DHX8: variants seen among roughly 807,000 people sequenced by gnomAD.
DHX8 encodes DEAH-box helicase 8.
In DHX8, 67 loss-of-function variants were observed where a neutral mutation model predicts 140.7. That is an observed-to-expected ratio of 0.48 (90% CI 0.39 to 0.58). The LOEUF is 0.58. Among genes scored for constraint, DHX8 ranks in the 20% least tolerant of loss-of-function variants. The pLI is 0.00. For synonymous variants in DHX8, 533 were observed against 553.2 expected (o/e 0.96, Z 0.51); for missense variants, 887 against 1,550.7 (o/e 0.57, Z 7.19).
intron 2 of DHX8, chr17:43,536,321 G>C: frequency 9.9e-7 from 1 of 1,010,572 alleles, no homozygotes; most frequent in South Asian, 1.4e-5. Flanking sequence ...AAACCCCACT[G>C]TGTTTTAGGA....
chr17:43,489,773 G>A (rs993200771), intron 2 of DHX8, among the ~76,000 whole-genome samples: 2 of 151,946 alleles, frequency 1.3e-5, no homozygotes, highest in Non-Finnish European at 1.5e-5. Flanking sequence ...TGTATTTTTA[G>A]TAGAGATGGG....
intron 10 of DHX8, 117 bp downstream of exon 10, chr17:43,499,076 C>T: frequency 1.4e-6 from 1 of 733,588 alleles, no homozygotes; most frequent in Non-Finnish European, 2.2e-6. Context: ...GTATTACTGG[C>T]TGTTAGCCAG....
chr17:43,541,437 C>T (rs1358000845), intron 3 of DHX8, among the ~76,000 whole-genome samples: 5 of 151,554 alleles, frequency 3.3e-5, no homozygotes, highest in Admixed American at 1.3e-4. Context: ...TGTCTGGGGA[C>T]GAGGCAGATG....
chr17:43,511,547 T>A (rs1476726169), intron 16 of DHX8, among the ~76,000 whole-genome samples: 2 of 146,560 alleles, frequency 1.4e-5, no homozygotes, highest in African/African-American at 2.5e-5. Context: ...AACCTCTGCC[T>A]CCCAGGTTCA....
chr17:43,528,564 A>C (rs1567704341), downstream of DHX8: 1 of 1,613,686 alleles, frequency 6.2e-7, no homozygotes, highest in East Asian at 2.2e-5. Context: ...GGGCGGGGCC[A>C]GCCAGCTCTG....
downstream of DHX8, chr17:43,528,386 G>A (rs953288044): frequency 3.5e-5 from 22 of 632,874 alleles, no homozygotes; most frequent in Middle Eastern, 4.3e-4. Context: ...CTGGGCTAGG[G>A]CAACTGGTAG....
downstream of DHX8, among the ~76,000 whole-genome samples, chr17:43,531,585 C>T (rs899688034): frequency 2.0e-5 from 3 of 152,100 alleles, no homozygotes; most frequent in Admixed American, 6.5e-5. Context: ...GCACCTGTAA[C>T]CCCAGCTATT....
Position 43,489,502 on chromosome 17 carries a change from G to T in DHX8, c.202G>T (p.Ala68Ser). Reference protein sequence around the residue: ...EKNTTFDTFKASLVKNGAEFT... With the variant: ...EKNTTFDTFKSSLVKNGAEFT... ...AAATACCACCTTTGATACTTTTAAG[G>T]CTTCTCTCGTCAAAAATGGTGCAGA... is the stretch of plus-strand genomic sequence containing the variant. The change falls in exon 2 of 23, where the codon GCT becomes TCT. Residue 68 changes from alanine to serine, a missense_variant. Around this residue, in one of 9 missense-constraint regions of DHX8, gnomAD observed 304 missense variants for 306.9 expected, o/e 0.99. Transcript: ENST00000262415. 6.2e-7 allele frequency: 1 copy of T among 1,609,846 alleles called. No individual in the cohort carries two copies. Among genetic ancestry groups the T allele is most frequent in the Non-Finnish European group, 8.5e-7 (1 of 1,179,014 alleles).
intron 11 of DHX8, among the ~76,000 whole-genome samples, chr17:43,504,331 T>G (rs1474185481): frequency 6.6e-6 from 1 of 151,882 alleles, no homozygotes; most frequent in Admixed American, 6.6e-5. Context: ...GCACTCCCAC[T>G]TGGATGACAG....
At chr17:43,504,250 G>A (rs573364797) in intron 11 of DHX8, among the ~76,000 whole-genome samples, 57 of 151,918 alleles carry the variant, frequency 3.8e-4, no homozygotes, top group Middle Eastern at 6.9e-3. Flanking sequence ...GACCAGCCTG[G>A]CAACATAGAG....
chr17:43,510,813 A>G (rs1156252172), intron 16 of DHX8, among the ~76,000 whole-genome samples: 5 of 152,092 alleles, frequency 3.3e-5, no homozygotes, highest in Non-Finnish European at 7.4e-5. Flanking sequence ...TCTGGAAACC[A>G]CTAACCTATA....
downstream of DHX8, chr17:43,529,755 C>A: frequency 3.1e-6 from 5 of 1,590,432 alleles, no homozygotes; most frequent in South Asian, 5.7e-5. Context: ...CGAGGGATTT[C>A]TCGAAGGGGT....
intron 17 of DHX8, among the ~76,000 whole-genome samples, chr17:43,513,959 C>T (rs1378315950): frequency 1.3e-5 from 2 of 151,960 alleles, no homozygotes; most frequent in African/African-American, 4.8e-5. Context: ...ATGATCCACC[C>T]GTCTTGGCCT....
At chr17:43,517,476 T>C (rs568463078) in intron 18 of DHX8, 154 bp downstream of exon 18, 2 of 854,970 alleles carry the variant, frequency 2.3e-6, no homozygotes, top group East Asian at 2.9e-5. Context: ...GATAACAGCC[T>C]CTCACGGCAG....
intron 16 of DHX8, among the ~76,000 whole-genome samples, chr17:43,511,337 TAAAG>T: frequency 6.6e-6 from 1 of 151,670 alleles, no homozygotes; most frequent in Admixed American, 6.6e-5. Context: ...AAAAGGAAGA[TAAAG>T]ATAGACATAG....
At chr17:43,497,606 T>C (rs891218084) in intron 9 of DHX8, among the ~76,000 whole-genome samples, 1 of 151,952 alleles carries the variant, frequency 6.6e-6, no homozygotes, top group Admixed American at 6.6e-5. Context: ...AGAAAAAAAA[T>C]TAGCCAGGTG....
At chr17:43,537,991 G>A (rs1363338587) in intron 3 of DHX8, among the ~76,000 whole-genome samples, 1 of 152,082 alleles carries the variant, frequency 6.6e-6, no homozygotes, top group Non-Finnish European at 1.5e-5. Flanking sequence ...TTAGCCGGGT[G>A]TGGTGGCGGG....
chr17:43,533,030 C>T lies in DHX8; in HGVS notation c.351-3382C>T, dbSNP rs2242598. ...ACTCCTAGGCTTTTAGAGTGGGCTC[C>T]GGAATGGGGGGTAGGGGGTTGGGGT... On this transcript the variant is annotated intron_variant, in intron 2 of 3. Transcript: ENST00000589898. 369,067 of 1,503,658 alleles carry T rather than the reference C, an allele frequency of 0.25. 46,231 individuals carry two copies. The highest frequency in any genetic ancestry group is 0.36 in the East Asian group (15,678 of 43,792). 93.1% of individuals were successfully genotyped at this position (1,503,658 alleles called of 1,614,324 possible).
intron 3 of DHX8, among the ~76,000 whole-genome samples, chr17:43,537,989 G>T (rs569916204): frequency 3.8e-4 from 58 of 152,212 alleles, no homozygotes; most frequent in Middle Eastern, 6.8e-3. Context: ...AATTAGCCGG[G>T]TGTGGTGGCG....
Sources: allele counts gnomAD v4.1 joint callset (sites outside exome capture counted in the v4.1 genomes callset), GRCh38; gene constraint gnomAD v4.1.1; regional missense constraint gnomAD v4.1.1; transcripts MANE v1.5; gene names NCBI Gene and HGNC (gene_info 2026-07-23, HGNC 2026-07-21).